Variants in BCAM observed in about 807,000 individuals in gnomAD.
The protein encoded by BCAM is basal cell adhesion molecule.
Under a neutral mutation model 72.4 loss-of-function variants are expected in BCAM, and 61 were observed. The observed-to-expected ratio is 0.84, with a 90% CI of 0.69 to 1.04. The LOEUF (loss-of-function observed/expected upper bound fraction) is 1.04, where lower values mean the gene tolerates loss of function less well. Among genes scored for constraint, BCAM ranks in the 50% least tolerant of loss-of-function variants. BCAM has a pLI of 0.00. For missense variants in BCAM, 909 were observed against 895.0 expected, an observed-to-expected ratio of 1.02 and a Z score of -0.20; for synonymous variants, 408 against 384.2, an observed-to-expected ratio of 1.06 and a Z score of -0.73.
At position 44,811,237 on chromosome 19, in the gene BCAM, A is replaced by T; in HGVS notation, c.95A>T (p.Glu32Val). The T allele has an allele frequency of 6.2e-7, 1 of 1,612,308 alleles. No individual in the cohort carries two copies. The highest frequency in any genetic ancestry group is 1.3e-5 in the African/African-American group (1 of 74,938). The change falls in exon 2 of 15, where the codon GAG (glutamate) becomes GTG (valine). Residue 32 changes from glutamate (E) to valine (V), a missense_variant. Physicochemically the swap from Glu to Val is moderately radical, Grantham distance 121. Transcript: ENST00000270233. Reference sequence around the variant, plus strand: ...TGCTCTCTTGCAGATGCCCAGGCGGAGGTGCGCTTGTCTGTACCCCCGCTG... The same window carrying T: ...TGCTCTCTTGCAGATGCCCAGGCGGTGGTGCGCTTGTCTGTACCCCCGCTG... ...LLAAHPDAQA[E>V]VRLSVPPLVE...
At chr19:44,820,451 A>G in intron 13 of BCAM, 1 of 1,235,248 alleles carries the variant, frequency 8.1e-7, no homozygotes, top group Non-Finnish European at 1.0e-6. Flanking sequence ...TAACCATCCC[A>G]GACCGATCCC....
At chr19:44,811,077 T>TGA (rs1968412291) in intron 1 of BCAM, 148 bp from the exon 2 acceptor site, 1 of 1,172,724 alleles carries the variant, frequency 8.5e-7, no homozygotes, top group African/African-American at 1.6e-5. Flanking sequence ...TTCCTGGGTC[T>TGA]GAGGGAGGAG....
In BCAM at chr19:44,813,282, G is replaced by A. The variant is rs200644537; in HGVS notation, c.537G>A (p.Pro179=). 124 of 1,614,018 alleles carry A rather than the reference G, an allele frequency of 7.7e-5. No individual in the cohort carries two copies. Among genetic ancestry groups the A allele is most frequent in the Middle Eastern group, 1.6e-4 (1 of 6,082 alleles). Residue 179 remains proline (P), a synonymous_variant, in exon 5 of 15, where the codon CCG becomes CCA. Transcript: ENST00000270233. The surrounding 1 kb of genome is among the most constrained non-coding windows in gnomAD (Gnocchi z 4.2). ...IATCNSRNGN[P]APKITWYRNG... ...CCTGCAACAGCCGGAACGGGAACCC[G>A]GCCCCCAAGATCACGTGGTATCGCA...
rs1968454959 is a variant in BCAM, at chr19:44,813,384, G to T, written c.601+38G>T. The T allele has an allele frequency of 1.2e-6, 2 of 1,609,882 alleles. No homozygotes were observed. The highest frequency in any genetic ancestry group is 4.5e-5 in the East Asian group (2 of 44,798). On this transcript the variant is annotated intron_variant, in intron 5 of 14. Coordinates refer to ENST00000270233, the MANE Select transcript of BCAM (RefSeq NM_005581.5). The surrounding 1 kb of genome is among the most constrained non-coding windows in gnomAD (Gnocchi z 4.2). ...GGAGCGCGGCGGGACGTGGGCTGGG[G>T]TGGGTGGCGGGGCTATGGCCTGGCT...
Position 44,820,740 on chromosome 19 carries a change from C to G in BCAM, c.1799C>G (p.Ser600Trp). ...PGEPGLSHSG[S>W]EQPEQTGLLM... is the part of the protein sequence containing the mutation. ...GAGCCAGGGCTGAGCCACTCGGGGTCGGAGCAACCAGAGCAGACCGGCCTT... is the reference window on the plus strand; with the variant it reads ...GAGCCAGGGCTGAGCCACTCGGGGTGGGAGCAACCAGAGCAGACCGGCCTT... Residue 600 changes from serine to tryptophan, a missense_variant, in exon 14 of 15, where the codon TCG (serine) becomes TGG (tryptophan). Ser to Trp is a radical substitution (Grantham distance 177). Transcript: ENST00000270233. 1.4e-6 allele frequency: 2 copies of G among 1,458,024 alleles called. No individual in the cohort carries two copies. Among genetic ancestry groups the G allele is most frequent in the South Asian group, 1.4e-5 (1 of 69,864 alleles). 90.3% of individuals were successfully genotyped at this position (1,458,024 alleles called of 1,614,324 possible). A position where few individuals can be genotyped will look rare whatever the true frequency, so the allele number is the denominator to read the frequency against.
rs369357316 is a variant in BCAM at position 44,818,854 on chromosome 19, C to T, written c.1308C>T (p.Arg436=). 4.3e-6 allele frequency: 7 copies of T among 1,613,984 alleles called. No homozygotes were observed. The highest frequency in any genetic ancestry group is 4.2e-6 in the Non-Finnish European group (5 of 1,180,002). The part of the protein sequence containing the change: ...ASLPTVPVLS[R]TQNFTLLVQG... ...TGCCCACAGTCCCGGTCCTCAGCCG[C>T]ACCCAGAACTTCACGCTGCTGGTCC... is the stretch of plus-strand genomic sequence containing the variant. Residue 436 remains arginine, a synonymous_variant, in exon 10 of 15, where the codon CGC becomes CGT. Transcript: ENST00000270233. The surrounding 1 kb of genome is among the most constrained non-coding windows in gnomAD (Gnocchi z 4.6).
At chr19:44,810,477 G>A (rs1036968089) in intron 1 of BCAM, among the ~76,000 whole-genome samples, 3 of 150,924 alleles carry the variant, frequency 2.0e-5, no homozygotes, top group Non-Finnish European at 4.4e-5. Context: ...CCTAAGCTCC[G>A]GGCCCAGCCG....
intron 13 of BCAM, chr19:44,820,215 C>T: frequency 3.0e-6 from 3 of 1,007,948 alleles, no homozygotes; most frequent in Non-Finnish European, 3.6e-6. Context: ...TGAGCTCACC[C>T]TTAACTCCAA....
At position 44,813,971 on chromosome 19, in the gene BCAM, T is replaced by C. The variant is rs1968467014; in HGVS notation, c.785-181T>C. ...TCTGACTCTTGACCTATACTCTTAG[T>C]TTATTTCAACCTCTGAACTCTGGCA... is the stretch of plus-strand genomic sequence containing the variant. On this transcript the variant is annotated intron_variant, in intron 6 of 14. Coordinates refer to ENST00000270233, the MANE Select transcript of BCAM (RefSeq NM_005581.5). The surrounding 1 kb of genome is among the most constrained non-coding windows in gnomAD (Gnocchi z 4.2). Among the ~76,000 whole-genome samples, 1 of 152,186 alleles carries C rather than the reference T, an allele frequency of 6.6e-6. No individual in the cohort carries two copies. The highest frequency in any genetic ancestry group is 2.4e-5 in the African/African-American group (1 of 41,440).
At chr19:44,810,477 G>C (rs1036968089) in intron 1 of BCAM, among the ~76,000 whole-genome samples, 35 of 151,038 alleles carry the variant, frequency 2.3e-4, no homozygotes, top group Admixed American at 5.9e-4. Flanking sequence ...CCTAAGCTCC[G>C]GGCCCAGCCG....
rs778814545 is a variant in BCAM, at chr19:44,820,951, A to G, written c.*30A>G. On this transcript the variant is annotated 3_prime_UTR_variant, in exon 15 of 15. Transcript: ENST00000270233. Reference sequence around the variant, plus strand: ...AGAACCTCCTAGAGGCTGTCCCTGGACCTGGAGCTGCAGGCATCAGAGAAC... The same window carrying G: ...AGAACCTCCTAGAGGCTGTCCCTGGGCCTGGAGCTGCAGGCATCAGAGAAC... 111 of 1,546,216 alleles carry G rather than the reference A, an allele frequency of 7.2e-5. No homozygotes were observed. Among genetic ancestry groups the G allele is most frequent in the Non-Finnish European group, 8.4e-5 (96 of 1,146,432 alleles).
rs1968450271 is a variant in BCAM at position 44,813,177 on chromosome 19, GA to G, written c.505-71del. The G allele has an allele frequency of 6.6e-7, 1 of 1,525,934 alleles. No homozygotes were observed. The highest frequency in any genetic ancestry group is 9.0e-7 in the Non-Finnish European group (1 of 1,112,936). The allele number at this position is 1,525,934 out of a possible 1,614,324, so 94.5% of individuals were successfully genotyped here. A position where few individuals can be genotyped will look rare whatever the true frequency, so the allele number is the denominator to read the frequency against. On this transcript the variant is annotated intron_variant, in intron 4 of 14. Transcript: ENST00000270233. This position sits in a 1 kb window ranked among gnomAD's most constrained non-coding sequence, Gnocchi z 4.2. Reference sequence around the variant, plus strand: ...CCCGGCTCATGAGTCTGAGTGGGGAGAACTCCTGAGAGAGGAGCCCCGACTT... The same window carrying G: ...CCCGGCTCATGAGTCTGAGTGGGGAGACTCCTGAGAGAGGAGCCCCGACTT...
Position 44,812,792 on chromosome 19 carries a change from A to G in BCAM, c.504+244A>G, listed in dbSNP as rs1968442976. On this transcript the variant is annotated intron_variant, in intron 4 of 14. Transcript: ENST00000270233. The surrounding 1 kb of genome is among the most constrained non-coding windows in gnomAD (Gnocchi z 5.3). ...TAATGAAACCCCGTCTCTACTAAAG[A>G]TACAAAAATTAGCTGGGTGTGTTGG... 3 of 512,340 alleles carry G rather than the reference A, an allele frequency of 5.9e-6. No homozygotes were observed. The highest frequency in any genetic ancestry group is 1.0e-5 in the Non-Finnish European group (3 of 286,776). 31.7% of individuals were successfully genotyped at this position (512,340 alleles called of 1,614,324 possible).
intron 1 of BCAM, among the ~76,000 whole-genome samples, chr19:44,810,441 C>G (rs1968402134): frequency 6.6e-6 from 1 of 152,136 alleles, no homozygotes; most frequent in Non-Finnish European, 1.5e-5. Context: ...CCTGTCCCCC[C>G]TCACCGCCCC....
chr19:44,814,870 C>A lies in BCAM; in HGVS notation c.1078+110C>A. 2.2e-4 allele frequency: 213 copies of A among 967,148 alleles called. No individual in the cohort carries two copies. Among genetic ancestry groups the A allele is most frequent in the Middle Eastern group, 3.6e-4 (1 of 2,754 alleles). 59.9% of individuals were successfully genotyped at this position (967,148 alleles called of 1,614,324 possible). ...TCTGTCATCCCAAACACTCTGCCTTCAACCCTTTCTCTGCATTTCTTGGGG... is the reference window on the plus strand; with the variant it reads ...TCTGTCATCCCAAACACTCTGCCTTAAACCCTTTCTCTGCATTTCTTGGGG... On this transcript the variant is annotated intron_variant, in intron 8 of 14. Coordinates refer to ENST00000270233, the MANE Select transcript of BCAM (RefSeq NM_005581.5). This position sits in a 1 kb window ranked among gnomAD's most constrained non-coding sequence, Gnocchi z 4.6.
At chr19:44,809,299 A>G (rs1968386508) in intron 1 of BCAM, 93 bp downstream of exon 1, 20 of 1,137,268 alleles carry the variant, frequency 1.8e-5, no homozygotes, top group Non-Finnish European at 2.3e-5. Flanking sequence ...TGACCCCAGG[A>G]AGCAAAATGT....
At position 44,814,783 on chromosome 19, in the gene BCAM, C is replaced by A. The variant is rs373208429; in HGVS notation, c.1078+23C>A. The A allele has an allele frequency of 1.9e-6, 3 of 1,592,944 alleles. No homozygotes were observed. The highest frequency in any genetic ancestry group is 1.7e-6 in the Non-Finnish European group (2 of 1,168,950). ...CCTGTGAGAGCCCTGGGTGAACGGG[C>A]GGGCAGGAGGGGCCCTGGCATCAGT... On this transcript the variant is annotated intron_variant, in intron 8 of 14. Coordinates refer to ENST00000270233, the MANE Select transcript of BCAM (RefSeq NM_005581.5). This position sits in a 1 kb window ranked among gnomAD's most constrained non-coding sequence, Gnocchi z 4.6.
Position 44,818,779 on chromosome 19 carries a change from C to A in BCAM, c.1233C>A (p.Leu411=), listed in dbSNP as rs558036872. Residue 411 remains leucine (L), a synonymous_variant, in exon 10 of 15, where the codon CTC becomes CTA. Coordinates refer to ENST00000270233, the MANE Select transcript of BCAM (RefSeq NM_005581.5). The surrounding 1 kb of genome is among the most constrained non-coding windows in gnomAD (Gnocchi z 4.6). The stretch of plus-strand genomic sequence containing the variant: ...TGGGCGATGGCCCCATGCTGTCGCT[C>A]AGTTCTATCACCTTCGATTCCAATG... ...TPLGDGPMLS[L]SSITFDSNGT... The A allele has an allele frequency of 1.2e-6, 2 of 1,614,122 alleles. No individual in the cohort carries two copies. Among genetic ancestry groups the A allele is most frequent in the Admixed American group, 1.7e-5 (1 of 60,004 alleles).
In BCAM at chr19:44,814,121, C is replaced by T; in HGVS notation, c.785-31C>T. On this transcript the variant is annotated intron_variant, in intron 6 of 14. Transcript: ENST00000270233. This position sits in a 1 kb window ranked among gnomAD's most constrained non-coding sequence, Gnocchi z 4.6. Reference sequence around the variant, plus strand: ...CTCTAGCCTTGACCCTTCCCCTGATCACAATTCCCATCTCCCTGCCCTTCC... The same window carrying T: ...CTCTAGCCTTGACCCTTCCCCTGATTACAATTCCCATCTCCCTGCCCTTCC... 6.4e-7 allele frequency: 1 copy of T among 1,557,506 alleles called. No individual in the cohort carries two copies. Among genetic ancestry groups the T allele is most frequent in the Non-Finnish European group, 8.6e-7 (1 of 1,159,636 alleles).
Sources: allele counts gnomAD v4.1 joint callset (sites outside exome capture counted in the v4.1 genomes callset), GRCh38; gene constraint gnomAD v4.1.1; non-coding constraint Gnocchi (gnomAD v3.1); transcripts MANE v1.5; gene names NCBI Gene and HGNC (gene_info 2026-07-23, HGNC 2026-07-21).